GRM4: variants seen among roughly 807,000 people sequenced by gnomAD.
GRM4 encodes the protein metabotropic glutamate receptor 4.
In GRM4, 28 loss-of-function variants were observed where a neutral mutation model predicts 81.7. The ratio of observed to expected loss-of-function variants is 0.34; its 90% CI spans 0.25 to 0.47. GRM4 has a LOEUF of 0.47. GRM4 is among the 20% of genes least tolerant of loss of function. GRM4 has a pLI of 1.00. For synonymous variants in GRM4, 488 were observed against 528.8 expected (o/e 0.92, Z 1.06); for missense variants, 948 against 1,290.0 (o/e 0.73, Z 4.06).
intron 3 of GRM4, among the ~76,000 whole-genome samples, chr6:34,067,758 T>G (rs1766561060): frequency 6.6e-6 from 1 of 152,096 alleles, no homozygotes; most frequent in African/African-American, 2.4e-5. Context: ...AAAGCCATCA[T>G]CCTGAGCAGA....
At chr6:34,154,823 G>A (rs1771114449) in intron 1 of GRM4, among the ~76,000 whole-genome samples, 1 of 152,186 alleles carries the variant, frequency 6.6e-6, no homozygotes, top group South Asian at 2.1e-4. Context: ...CCCCAGAAAC[G>A]CGGCAAGATC....
intron 3 of GRM4, among the ~76,000 whole-genome samples, chr6:34,076,450 C>T (rs1044300583): frequency 1.3e-5 from 2 of 152,042 alleles, no homozygotes; most frequent in African/African-American, 4.8e-5. Flanking sequence ...TACAGAAAAC[C>T]GGGGGGCTGG....
At chr6:34,107,301 GA>G (rs916761775) in intron 2 of GRM4, among the ~76,000 whole-genome samples, 114 of 152,280 alleles carry the variant, frequency 7.5e-4, no homozygotes, top group African/African-American at 2.6e-3. Context: ...GGCAAGGGGG[GA>G]GAGGCGATAT....
At chr6:34,073,240 A>AC (rs1397856703) in intron 3 of GRM4, among the ~76,000 whole-genome samples, 34 of 130,842 alleles carry the variant, frequency 2.6e-4, no homozygotes, top group Non-Finnish European at 3.7e-4. Context: ...AATACATGCC[A>AC]CACACACACA....
In GRM4 at chr6:34,044,629, C is replaced by T. The variant is rs200096374; in HGVS notation, c.1169-3881G>A. Among the ~76,000 whole-genome samples, 21 of 130,392 alleles carry T rather than the reference C, an allele frequency of 1.6e-4. No homozygotes were observed. The East Asian group carries it at 4.1e-3, about 26-fold the overall frequency. The allele number at this position is 130,392 out of a possible 152,430, so 85.5% of individuals were successfully genotyped here. Reference sequence around the variant, plus strand: ...ACATACATACATACACATATATACACGCAGACACACACACATATACATACA... The same window carrying T: ...ACATACATACATACACATATATACATGCAGACACACACACATATACATACA... On this transcript the variant is annotated intron_variant, in intron 6 of 10. Transcript: ENST00000538487.
intron 10 of GRM4, chr6:34,024,836 CA>C (rs1215512851): frequency 6.7e-6 from 3 of 444,506 alleles, no homozygotes; most frequent in Non-Finnish European, 1.4e-5. Flanking sequence ...CCACAACATC[CA>C]AAAAAAGAAT....
rs1447637979 is a variant in GRM4, at chr6:34,048,893, C to G, written c.1168+7651G>C. On this transcript the variant is annotated intron_variant, in intron 6 of 10. Transcript: ENST00000538487. The surrounding 1 kb of genome is among the most constrained non-coding windows in gnomAD (Gnocchi z 4.0). ...CCAGTCGCGCTTCCTGTACAGCCTG[C>G]AGAACTGTGAGCCAATTAAACCTCC... Among the ~76,000 whole-genome samples the G allele has an allele frequency of 6.6e-6, 1 of 152,110 alleles. No homozygotes were observed. Among genetic ancestry groups the G allele is most frequent in the Admixed American group, 6.5e-5 (1 of 15,282 alleles).
chr6:34,153,642 T>C (rs1771090775), intron 1 of GRM4, among the ~76,000 whole-genome samples: 1 of 152,032 alleles, frequency 6.6e-6, no homozygotes, highest in Non-Finnish European at 1.5e-5. Context: ...TCCTAGCACT[T>C]TGGGAGGCTG....
intron 3 of GRM4, among the ~76,000 whole-genome samples, chr6:34,085,081 G>A (rs1767817265): frequency 6.6e-6 from 1 of 152,186 alleles, no homozygotes; most frequent in Non-Finnish European, 1.5e-5. Flanking sequence ...GCTGGGGCTG[G>A]GAACGTGCCC....
chr6:34,020,171 C>T lies in GRM4; in HGVS notation c.*2650G>A, dbSNP rs1474387812. Reference sequence around the variant, plus strand: ...AGTCTGCTGTATCTCCCCCATCACACTGGAAGCTCCCTGAGGGCAGGGCTA... The same window carrying T: ...AGTCTGCTGTATCTCCCCCATCACATTGGAAGCTCCCTGAGGGCAGGGCTA... On this transcript the variant is annotated 3_prime_UTR_variant, in exon 11 of 11. Coordinates refer to ENST00000538487, the MANE Select transcript of GRM4 (RefSeq NM_000841.4). 4 of 152,334 alleles carry T rather than the reference C, an allele frequency of 2.6e-5. No homozygotes were observed. The highest frequency in any genetic ancestry group is 1.9e-4 in the East Asian group (1 of 5,188). The allele number at this position is 152,334 out of a possible 1,614,324, so 9.4% of individuals were successfully genotyped here.
intron 2 of GRM4, among the ~76,000 whole-genome samples, chr6:34,129,284 G>A (rs1334336308): frequency 1.3e-5 from 2 of 152,180 alleles, no homozygotes; most frequent in African/African-American, 4.8e-5. Flanking sequence ...CAATGTGCTG[G>A]GATTACAGGT....
At chr6:34,039,356 C>T (rs1764883531) in intron 8 of GRM4, among the ~76,000 whole-genome samples, 1 of 152,154 alleles carries the variant, frequency 6.6e-6, no homozygotes, top group African/African-American at 2.4e-5. Context: ...CGATGCAGCA[C>T]CCACGGGATC....
chr6:34,069,697 C>T lies in GRM4; in HGVS notation c.737-7669G>A, dbSNP rs1333942360. ...GTGTGTGTGTGTGTGTGACCCTGAG[C>T]GCCTGCCTCTTCTCCCAGGAGGGTC... On this transcript the variant is annotated intron_variant, in intron 3 of 10. Transcript: ENST00000538487. This position sits in a 1 kb window ranked among gnomAD's most constrained non-coding sequence, Gnocchi z 6.4. Among the ~76,000 whole-genome samples, 5 of 149,818 alleles carry T rather than the reference C, an allele frequency of 3.3e-5. No individual in the cohort carries two copies. Among genetic ancestry groups the T allele is most frequent in the East Asian group, 2.0e-4 (1 of 4,952 alleles).
intron 6 of GRM4, among the ~76,000 whole-genome samples, chr6:34,050,005 A>G (rs1581618805): frequency 6.6e-6 from 1 of 152,072 alleles, no homozygotes; most frequent in Non-Finnish European, 1.5e-5. Context: ...GGCTTGTCCC[A>G]TTCTGCATAA....
rs1473407065 is a variant in GRM4, at chr6:34,067,035, C to T, written c.737-5007G>A. 3.9e-5 allele frequency among the ~76,000 whole-genome samples: 6 copies of T among 152,100 alleles called. No homozygotes were observed. In the East Asian group the frequency reaches 7.7e-4, roughly 20 times the overall value. On this transcript the variant is annotated intron_variant, in intron 3 of 10. Transcript: ENST00000538487. ...CTGGGGCTGCCCCTGTCCTCCCAGCCGTGTGGTTCCTGAAATCCCATCGTC... is the reference window on the plus strand; with the variant it reads ...CTGGGGCTGCCCCTGTCCTCCCAGCTGTGTGGTTCCTGAAATCCCATCGTC...
chr6:34,133,743 T>C lies in GRM4; in HGVS notation c.-247A>G. The C allele has an allele frequency of 7.9e-7, 1 of 1,266,614 alleles. No homozygotes were observed. The highest frequency in any genetic ancestry group is 3.0e-4 in the Middle Eastern group (1 of 3,374). The allele number at this position is 1,266,614 out of a possible 1,614,324, so 78.5% of individuals were successfully genotyped here. On this transcript the variant is annotated 5_prime_UTR_variant, in exon 2 of 11. Coordinates refer to ENST00000538487, the MANE Select transcript of GRM4 (RefSeq NM_000841.4). This position sits in a 1 kb window ranked among gnomAD's most constrained non-coding sequence, Gnocchi z 6.5. ...CGGGGTTGCAGGAAGGCTCTGATCC[T>C]TGTCCCGTCCTGCAGGCCTGTTCTC...
At chr6:34,122,431 A>G (rs1467249859) in intron 2 of GRM4, among the ~76,000 whole-genome samples, 2 of 152,094 alleles carry the variant, frequency 1.3e-5, no homozygotes, top group Admixed American at 1.3e-4. Context: ...CCAAGCATAG[A>G]GGCCGGCCCT....
chr6:34,151,287 C>T (rs1771039402), intron 1 of GRM4, among the ~76,000 whole-genome samples: 1 of 152,188 alleles, frequency 6.6e-6, no homozygotes, highest in Non-Finnish European at 1.5e-5. Flanking sequence ...ATGAACGACC[C>T]ACCTAGAAAG....
In GRM4 at chr6:34,080,433, C is replaced by T. The variant is rs1317093718; in HGVS notation, c.736+11450G>A. ...AGTGTGAGCCCCACAAGGCCAGGAGCTTCATCTGCTTAGTCCACGGCCGTA... is the reference window on the plus strand; with the variant it reads ...AGTGTGAGCCCCACAAGGCCAGGAGTTTCATCTGCTTAGTCCACGGCCGTA... On this transcript the variant is annotated intron_variant, in intron 3 of 10. Coordinates refer to ENST00000538487, the MANE Select transcript of GRM4 (RefSeq NM_000841.4). The surrounding 1 kb of genome is among the most constrained non-coding windows in gnomAD (Gnocchi z 5.4). Among the ~76,000 whole-genome samples, 2 of 152,238 alleles carry T rather than the reference C, an allele frequency of 1.3e-5. No homozygotes were observed.
Sources: gnomAD v4.1 joint callset for allele counts (sites outside exome capture counted in the v4.1 genomes callset) on GRCh38, gnomAD v4.1.1 for gene constraint, Gnocchi (gnomAD v3.1) non-coding constraint, MANE v1.5 for transcripts, NCBI Gene and HGNC (gene_info 2026-07-23, HGNC 2026-07-21) for gene names.